Variants in ZFAND6 observed in about 807,000 individuals in gnomAD.
ZFAND6 encodes AN1-type zinc finger protein 6.
ZFAND6 carries 12 observed loss-of-function variants against 24.5 expected under a neutral mutation model. The observed-to-expected ratio is 0.49, with a 90% CI of 0.31 to 0.79. The LOEUF is 0.79. Ranked by LOEUF, ZFAND6 falls within the 30% of genes least tolerant of loss-of-function variation. ZFAND6 has a pLI of 0.04. For missense variants in ZFAND6, 207 were observed against 245.9 expected (o/e 0.84, Z 1.06); for synonymous variants, 92 against 81.5 (o/e 1.13, Z -0.69).
chr15:80,093,465 C>T (rs2038514491), intron 1 of ZFAND6, among the ~76,000 whole-genome samples: 2 of 151,956 alleles, frequency 1.3e-5, no homozygotes, highest in Non-Finnish European at 2.9e-5. Context: ...CGGTGGCTCA[C>T]GCCTGTAATC....
Position 80,112,861 on chromosome 15 carries a change from C to G in ZFAND6, c.-17-7467C>G, listed in dbSNP as rs16971761. Reference sequence around the variant, plus strand: ...AGCACCTATGCCAAGTTAGGTAATTCCTCTTTTGGTCAGTTAATAAGAAAA... The same window carrying G: ...AGCACCTATGCCAAGTTAGGTAATTGCTCTTTTGGTCAGTTAATAAGAAAA... On this transcript the variant is annotated intron_variant, in intron 2 of 6. Transcript: ENST00000261749. The G allele has an allele frequency of 7.4e-3, 3,383 of 456,014 alleles. 103 individuals carry two copies. The highest frequency in any genetic ancestry group is 0.059 in the African/African-American group (2,949 of 50,158). 28.2% of individuals were successfully genotyped at this position (456,014 alleles called of 1,614,324 possible).
intron 2 of ZFAND6, among the ~76,000 whole-genome samples, chr15:80,104,719 ATTC>A (rs1168245062): frequency 2.0e-5 from 3 of 152,192 alleles, no homozygotes; most frequent in African/African-American, 4.8e-5. Flanking sequence ...AAGTAGTCAT[ATTC>A]TTCTTTGCAT....
At chr15:80,092,470 G>T (rs905257177) in intron 1 of ZFAND6, among the ~76,000 whole-genome samples, 2 of 152,104 alleles carry the variant, frequency 1.3e-5, no homozygotes, top group African/African-American at 4.8e-5. Context: ...TCATTAAACA[G>T]TATAATAAAC....
chr15:80,134,602 G>T (rs1014533331), intron 6 of ZFAND6, among the ~76,000 whole-genome samples: 2 of 152,232 alleles, frequency 1.3e-5, no homozygotes, highest in African/African-American at 4.8e-5. Context: ...CAGATGTTGT[G>T]TGACTTCACA....
In ZFAND6 at chr15:80,131,245, C is replaced by CA; in HGVS notation, c.437dup (p.Asn147GlufsTer16). On this transcript the variant is annotated frameshift_variant, in exon 6 of 7. Coordinates refer to ENST00000261749, the MANE Select transcript of ZFAND6 (RefSeq NM_019006.4). LOFTEE classifies it high-confidence loss of function. ...AAGCAAGTCTCTTGAAAAACCGAAA[C>CA]AAAAAAAGAATCGCTGTTTCATGTG... is the stretch of plus-strand genomic sequence containing the variant. 1 of 1,612,360 alleles carries CA rather than the reference C, an allele frequency of 6.2e-7. No individual in the cohort carries two copies. Among genetic ancestry groups the CA allele is most frequent in the Non-Finnish European group, 8.5e-7 (1 of 1,179,098 alleles).
At chr15:80,124,692 A>G (rs1296949261) in intron 5 of ZFAND6, among the ~76,000 whole-genome samples, 1 of 152,196 alleles carries the variant, frequency 6.6e-6, no homozygotes, top group Non-Finnish European at 1.5e-5. Context: ...ATTAGGAGAA[A>G]TTGTATAGGC....
intron 5 of ZFAND6, among the ~76,000 whole-genome samples, chr15:80,127,156 CTTTGAAATCATATATGTGA>C (rs1219521294): frequency 1.3e-5 from 2 of 152,002 alleles, no homozygotes; most frequent in Non-Finnish European, 2.9e-5. Context: ...AGAAAAAATA[CTTTGAAATCATATATGTGA>C]TAAGGATATA....
intron 5 of ZFAND6, among the ~76,000 whole-genome samples, chr15:80,125,997 C>A (rs1378302825): frequency 6.6e-6 from 1 of 152,030 alleles, no homozygotes; most frequent in African/African-American, 2.4e-5. Flanking sequence ...TTGTAGGAGG[C>A]CTAGAGTAAG....
rs2040332615 is a variant in ZFAND6 at position 80,125,383 on chromosome 15, A to G, written c.364+2583A>G. ...AACCATCCCAAATGGAAGAAGGTAT[A>G]TGAGTAGCAGCTATATGTCTAAGCC... On this transcript the variant is annotated intron_variant, in intron 5 of 6. Coordinates refer to ENST00000261749, the MANE Select transcript of ZFAND6 (RefSeq NM_019006.4). Among the ~76,000 whole-genome samples, 3 of 152,218 alleles carry G rather than the reference A, an allele frequency of 2.0e-5. No individual in the cohort carries two copies. The South Asian group carries it at 6.2e-4, about 32-fold the overall frequency.
At chr15:80,108,557 G>A (rs865981033) in intron 2 of ZFAND6, among the ~76,000 whole-genome samples, 1 of 152,132 alleles carries the variant, frequency 6.6e-6, no homozygotes, top group Non-Finnish European at 1.5e-5. Flanking sequence ...TAAGGTATGT[G>A]ATATGAAACC....
chr15:80,083,237 C>T (rs187824741), intron 1 of ZFAND6, among the ~76,000 whole-genome samples: 152 of 152,242 alleles, frequency 1.0e-3, no homozygotes, highest in African/African-American at 2.6e-3. Flanking sequence ...GTGATCCGCC[C>T]GCTTCGGCCT....
chr15:80,079,134 G>T (rs755101271), intron 1 of ZFAND6, among the ~76,000 whole-genome samples: 2 of 150,016 alleles, frequency 1.3e-5, no homozygotes, highest in African/African-American at 4.9e-5. Flanking sequence ...TTTCTTGCTT[G>T]TTGAATTCTG....
intron 6 of ZFAND6, among the ~76,000 whole-genome samples, chr15:80,132,325 T>G (rs2040643386): frequency 6.6e-6 from 1 of 152,130 alleles, no homozygotes; most frequent in African/African-American, 2.4e-5. Context: ...TAGATACTTG[T>G]GTATTTTATC....
intron 1 of ZFAND6, among the ~76,000 whole-genome samples, chr15:80,089,609 A>G (rs1223340720): frequency 2.0e-5 from 3 of 152,006 alleles, no homozygotes; most frequent in Non-Finnish European, 4.4e-5. Flanking sequence ...ATTGAAATGA[A>G]TATGTAATCT....
At chr15:80,113,725 TC>T (rs2039725328) in intron 2 of ZFAND6, among the ~76,000 whole-genome samples, 1 of 152,280 alleles carries the variant, frequency 6.6e-6, no homozygotes, top group East Asian at 1.9e-4. Flanking sequence ...TTTGTGGGGT[TC>T]ATGTTAGGCA....
rs566488643 is a variant in ZFAND6 at position 80,101,059 on chromosome 15, G to T, written c.-18+2481G>T. 8.5e-5 allele frequency among the ~76,000 whole-genome samples: 13 copies of T among 152,296 alleles called. No homozygotes were observed. In the South Asian group the frequency reaches 2.5e-3, roughly 29 times the overall value. On this transcript the variant is annotated intron_variant, in intron 2 of 6. Transcript: ENST00000261749. ...GAATACTAGGTAGCATATTATAAAT[G>T]CTCAAAATAATAGATTTTAAGGCTT...
upstream of ZFAND6, among the ~76,000 whole-genome samples, chr15:80,059,409 G>A (rs1026325990): frequency 5.9e-5 from 9 of 152,234 alleles, no homozygotes; most frequent in African/African-American, 2.2e-4. Flanking sequence ...CCCCAGAGAG[G>A]GCAGTGGAGC....
At chr15:80,108,211 A>G (rs539006929) in intron 2 of ZFAND6, among the ~76,000 whole-genome samples, 1 of 152,352 alleles carries the variant, frequency 6.6e-6, no homozygotes, top group Non-Finnish European at 1.5e-5. Flanking sequence ...GAAAAGATAT[A>G]AATTTAGAGA....
chr15:80,098,149 T>C (rs1469076224), intron 1 of ZFAND6, among the ~76,000 whole-genome samples: 1 of 152,210 alleles, frequency 6.6e-6, no homozygotes, highest in Non-Finnish European at 1.5e-5. Flanking sequence ...AAATACCTAC[T>C]TTTGCTTACT....
Sources: allele counts gnomAD v4.1 joint callset (sites outside exome capture counted in the v4.1 genomes callset), GRCh38; gene constraint gnomAD v4.1.1; transcripts MANE v1.5; gene names NCBI Gene and HGNC (gene_info 2026-07-23, HGNC 2026-07-21).